RERE: variants seen among roughly 807,000 people sequenced by gnomAD.
RERE encodes arginine-glutamic acid dipeptide repeats.
RERE carries 40 observed loss-of-function variants against 146.1 expected under a neutral mutation model. The ratio of observed to expected loss-of-function variants is 0.27; its 90% CI spans 0.21 to 0.36. The LOEUF (loss-of-function observed/expected upper bound fraction) is 0.36, where lower values mean the gene tolerates loss of function less well. RERE is among the 10% of genes least tolerant of loss of function. RERE has a pLI of 1.00. For missense variants in RERE, 1,933 were observed against 2,138.7 expected (o/e 0.90, Z 1.90); for synonymous variants, 1,003 against 866.0 (o/e 1.16, Z -2.78).
chr1:8,497,298 A>G, intron 9 of RERE, 107 bp downstream of exon 9: 1 of 1,213,912 alleles, frequency 8.2e-7, no homozygotes, highest in Non-Finnish European at 1.2e-6. Context: ...AAAGTCAGAG[A>G]ACGCCCAATA....
intron 11 of RERE, among the ~76,000 whole-genome samples, chr1:8,452,636 G>A (rs923775691): frequency 6.6e-6 from 1 of 152,158 alleles, no homozygotes. Context: ...TTCAACTAGA[G>A]GAAGAATTAT....
chr1:8,669,525 C>T (rs1384604980), intron 1 of RERE, among the ~76,000 whole-genome samples: 1 of 152,224 alleles, frequency 6.6e-6, no homozygotes, highest in Non-Finnish European at 1.5e-5. Flanking sequence ...GCTCAGGCTT[C>T]ACTACAGCCA....
chr1:8,682,162 A>T (rs1638985873), intron 1 of RERE, among the ~76,000 whole-genome samples: 1 of 152,166 alleles, frequency 6.6e-6, no homozygotes, highest in Non-Finnish European at 1.5e-5. Flanking sequence ...CTGTCGTATC[A>T]TGAGATGAAG....
At chr1:8,357,868 G>C (rs569640314) in intron 20 of RERE, among the ~76,000 whole-genome samples, 1 of 152,352 alleles carries the variant, frequency 6.6e-6, no homozygotes, top group East Asian at 1.9e-4. Flanking sequence ...GGCTCCAAAG[G>C]CCACATGACA....
At chr1:8,422,948 G>A (rs1049428530) in intron 11 of RERE, 141 bp from the exon 12 acceptor site, 44 of 654,252 alleles carry the variant, frequency 6.7e-5, no homozygotes, top group Non-Finnish European at 1.1e-4. Flanking sequence ...CGGAGAGTAT[G>A]TCAGCAGCTC....
Position 8,545,242 on chromosome 1 carries a change from G to A in RERE, c.726-3924C>T, listed in dbSNP as rs147794251. ...TTAACAGAAATATGACTAAAGACAG[G>A]GAAGCCCCATGTGTTAGCATCCTTT... On this transcript the variant is annotated intron_variant, in intron 6 of 22. Transcript: ENST00000400908. Among the ~76,000 whole-genome samples the A allele has an allele frequency of 2.0e-4, 31 of 152,236 alleles. No homozygotes were observed. In the East Asian group the frequency reaches 5.4e-3, roughly 27 times the overall value.
At chr1:8,739,215 T>C (rs568313921) in intron 1 of RERE, among the ~76,000 whole-genome samples, 1 of 152,278 alleles carries the variant, frequency 6.6e-6, no homozygotes, top group South Asian at 2.1e-4. Context: ...AACATATAAT[T>C]GCCACCACCC....
chr1:8,777,774 A>G (rs1349814604), intron 1 of RERE, among the ~76,000 whole-genome samples: 1 of 151,804 alleles, frequency 6.6e-6, no homozygotes, highest in Non-Finnish European at 1.5e-5. Context: ...TGACCTCGTG[A>G]TCCACCTGCC....
intron 2 of RERE, among the ~76,000 whole-genome samples, chr1:8,645,139 C>T (rs998864581): frequency 6.6e-6 from 1 of 152,134 alleles, no homozygotes; most frequent in Admixed American, 6.5e-5. Context: ...ACACTCAAAG[C>T]AAATCCAGTA....
intron 11 of RERE, among the ~76,000 whole-genome samples, chr1:8,438,999 G>A (rs1266331047): frequency 6.6e-6 from 1 of 152,100 alleles, no homozygotes. Context: ...TGAGGCTTGG[G>A]TTTACTGTAC....
intron 11 of RERE, among the ~76,000 whole-genome samples, chr1:8,437,940 T>C (rs1644193062): frequency 6.6e-6 from 1 of 151,180 alleles, no homozygotes; most frequent in African/African-American, 2.4e-5. Flanking sequence ...TGAGATGCTA[T>C]GAAGGAGAAA....
intron 1 of RERE, among the ~76,000 whole-genome samples, chr1:8,668,798 T>C (rs986610227): frequency 2.6e-5 from 4 of 152,064 alleles, no homozygotes; most frequent in Admixed American, 1.3e-4. Flanking sequence ...TTGCCTAGGG[T>C]TGCAAGGGTA....
chr1:8,511,404 T>C (rs76822402), intron 7 of RERE, among the ~76,000 whole-genome samples: 3,972 of 152,350 alleles, frequency 0.026, 162 homozygotes, highest in African/African-American at 0.091. Flanking sequence ...TTAAATTGTA[T>C]GTAACTTTTA....
rs112274566 is a variant in RERE at position 8,636,674 on chromosome 1, T to C, written c.326-12294A>G. Among the ~76,000 whole-genome samples the C allele has an allele frequency of 9.5e-3, 1,452 of 152,290 alleles. 24 individuals carry two copies. The highest frequency in any genetic ancestry group is 0.034 in the African/African-American group (1,396 of 41,558). On this transcript the variant is annotated intron_variant, in intron 2 of 22. Coordinates refer to ENST00000400908, the MANE Select transcript of RERE (RefSeq NM_001042681.2). ...GCCTCTCTAACAGCTAACTCGGTCA[T>C]GCAACAAAGTCCTAGCCATAAAATA...
chr1:8,707,675 T>C (rs531611130), intron 1 of RERE, among the ~76,000 whole-genome samples: 2 of 152,314 alleles, frequency 1.3e-5, no homozygotes, highest in South Asian at 2.1e-4. Context: ...ACCAAGTAAT[T>C]TAGCTCACCC....
intron 12 of RERE, among the ~76,000 whole-genome samples, chr1:8,385,175 T>C (rs772726032): frequency 1.2e-4 from 18 of 152,272 alleles, no homozygotes; most frequent in Non-Finnish European, 2.2e-4. Flanking sequence ...AATTGTATCT[T>C]AGAATTTAAC....
In RERE at chr1:8,452,909, G is replaced by A. The variant is rs563598736; in HGVS notation, c.1203+13016C>T. Among the ~76,000 whole-genome samples the A allele has an allele frequency of 8.5e-5, 13 of 152,246 alleles. No homozygotes were observed. The South Asian group carries it at 2.7e-3, about 32-fold the overall frequency. On this transcript the variant is annotated intron_variant, in intron 11 of 22. Coordinates refer to ENST00000400908, the MANE Select transcript of RERE (RefSeq NM_001042681.2). ...CCGTACACATGCCCATCTTCGTAAC[G>A]GAATGCCTGAGTGCCTAAGATGTTC...
intron 12 of RERE, among the ~76,000 whole-genome samples, chr1:8,382,687 G>A (rs1433460258): frequency 1.3e-5 from 2 of 152,220 alleles, no homozygotes; most frequent in Non-Finnish European, 2.9e-5. Flanking sequence ...AACTCCGAGT[G>A]AGAACAGCTG....
At chr1:8,601,626 C>CCCCACACA (rs1553119505) in intron 4 of RERE, among the ~76,000 whole-genome samples, 1 of 94,914 alleles carries the variant, frequency 1.1e-5, no homozygotes, top group Non-Finnish European at 2.0e-5. Flanking sequence ...TCCAAGGTCA[C>CCCCACACA]CACACACACA....
Sources: gnomAD v4.1 joint callset for allele counts (sites outside exome capture counted in the v4.1 genomes callset) on GRCh38, gnomAD v4.1.1 for gene constraint, MANE v1.5 for transcripts, NCBI Gene and HGNC (gene_info 2026-07-23, HGNC 2026-07-21) for gene names.